The following CPLX2 variants were observed in gnomAD, a reference collection of about 807,000 sequenced individuals.
The protein encoded by CPLX2 is complexin 2, also known as complexin-2.
Under a neutral mutation model 16.3 loss-of-function variants are expected in CPLX2, and 5 were observed. That is an observed-to-expected ratio of 0.31 (90% confidence interval 0.16 to 0.64). The LOEUF is 0.64. Ranked by LOEUF, CPLX2 falls within the 30% of genes least tolerant of loss-of-function variation. CPLX2 has a pLI of 0.79. For synonymous variants in CPLX2, 89 were observed against 73.2 expected, an observed-to-expected ratio of 1.22 and a Z score of -1.10; for missense variants, 144 against 181.4, an observed-to-expected ratio of 0.79 and a Z score of 1.18.
rs938350048 is a variant in CPLX2 at position 175,810,405 on chromosome 5, G to A, written c.-89+1337G>A. Among the ~76,000 whole-genome samples, 11 of 152,310 alleles carry A rather than the reference G, an allele frequency of 7.2e-5. No individual in the cohort carries two copies. In the South Asian group the frequency reaches 1.0e-3, roughly 14 times the overall value. On this transcript the variant is annotated intron_variant, in intron 2 of 4. Transcript: ENST00000359546. ...TTCAGGTTTTGTCTCCAATGTCTTG[G>A]CATTTCCTCTCACTGAGGAGCTTCT...
intron 2 of CPLX2, among the ~76,000 whole-genome samples, chr5:175,831,375 G>C (rs971834071): frequency 6.6e-6 from 1 of 152,148 alleles, no homozygotes; most frequent in African/African-American, 2.4e-5. Flanking sequence ...CTGGAACCCA[G>C]ATTTGCTTCC....
chr5:175,877,307 C>T (rs1755409315), intron 1 of CPLX2, among the ~76,000 whole-genome samples: 1 of 151,230 alleles, frequency 6.6e-6, no homozygotes, highest in Non-Finnish European at 1.5e-5. Context: ...CGTAGATAAG[C>T]TCTTGGGCCC....
At chr5:175,851,163 C>T (rs896416990) in intron 2 of CPLX2, among the ~76,000 whole-genome samples, 2 of 152,058 alleles carry the variant, frequency 1.3e-5, no homozygotes, top group Admixed American at 6.6e-5. Context: ...AGACAAAGCC[C>T]ACTTTCTTGT....
intron 1 of CPLX2, among the ~76,000 whole-genome samples, chr5:175,801,644 CAA>C (rs1348887612): frequency 6.6e-6 from 1 of 152,098 alleles, no homozygotes; most frequent in East Asian, 1.9e-4. Context: ...GATGAGAGTC[CAA>C]AGACTTATTT....
At chr5:175,805,454 G>A (rs942504465) in intron 1 of CPLX2, 2 of 152,212 alleles carry the variant, frequency 1.3e-5, no homozygotes, top group Non-Finnish European at 2.9e-5. Context: ...AAGGGAAAAC[G>A]GACACCTGTG....
At chr5:175,827,154 G>A (rs1758631302) in intron 2 of CPLX2, among the ~76,000 whole-genome samples, 1 of 152,272 alleles carries the variant, frequency 6.6e-6, no homozygotes, top group East Asian at 1.9e-4. Flanking sequence ...TGGGTCACAT[G>A]CCCTTCCCTG....
rs1227197593 is a variant in CPLX2, at chr5:175,802,965, G to A, written c.-168-6024G>A. On this transcript the variant is annotated intron_variant, in intron 1 of 4. Transcript: ENST00000359546. The stretch of plus-strand genomic sequence containing the variant: ...TCCTGCCTCAGCCTCCAGAGTAGCT[G>A]GGATTACAGGCACCCGCCATCACAC... 2.6e-5 allele frequency among the ~76,000 whole-genome samples: 4 copies of A among 152,022 alleles called. No homozygotes were observed. In the East Asian group the frequency reaches 5.8e-4, roughly 22 times the overall value.
intron 2 of CPLX2, among the ~76,000 whole-genome samples, chr5:175,832,921 G>A (rs1007363391): frequency 2.6e-5 from 4 of 152,134 alleles, no homozygotes; most frequent in African/African-American, 9.7e-5. Context: ...TCGGGAGGCC[G>A]AGGTGGGCAG....
chr5:175,826,582 G>A (rs924664493), intron 2 of CPLX2, among the ~76,000 whole-genome samples: 7 of 152,162 alleles, frequency 4.6e-5, no homozygotes, highest in Non-Finnish European at 8.8e-5. Flanking sequence ...TGTTTGTGGC[G>A]GGTGAATGGG....
At chr5:175,850,364 C>T (rs764102326) in intron 2 of CPLX2, among the ~76,000 whole-genome samples, 4 of 152,010 alleles carry the variant, frequency 2.6e-5, no homozygotes, top group African/African-American at 4.8e-5. Flanking sequence ...GATGAGTGGG[C>T]GGGAGACAGA....
intron 1 of CPLX2, among the ~76,000 whole-genome samples, chr5:175,807,171 G>A (rs563640024): frequency 2.6e-5 from 4 of 152,318 alleles, no homozygotes; most frequent in East Asian, 1.9e-4. Context: ...AAGGAATGAC[G>A]CTCCATTCTA....
intron 2 of CPLX2, among the ~76,000 whole-genome samples, chr5:175,832,567 G>T (rs1758754767): frequency 6.6e-6 from 1 of 152,168 alleles, no homozygotes. Flanking sequence ...ATGTTCTTTT[G>T]TAAATGCCAG....
Position 175,810,455 on chromosome 5 carries a change from A to C in CPLX2, c.-89+1387A>C, listed in dbSNP as rs576587380. Reference sequence around the variant, plus strand: ...TCATCTTCCAAAATTTGGAGATGTCACTGAGCACTTGCACCTTTGGGCTCT... The same window carrying C: ...TCATCTTCCAAAATTTGGAGATGTCCCTGAGCACTTGCACCTTTGGGCTCT... On this transcript the variant is annotated intron_variant, in intron 2 of 4. Transcript: ENST00000359546. Among the ~76,000 whole-genome samples, 52 of 152,286 alleles carry C rather than the reference A, an allele frequency of 3.4e-4. 1 individual carries two copies. Among genetic ancestry groups the C allele is most frequent in the Non-Finnish European group, 5.9e-4 (40 of 68,030 alleles).
At chr5:175,879,705 C>A in intron 3 of CPLX2, 143 bp from the exon 4 acceptor site, 1 of 778,414 alleles carries the variant, frequency 1.3e-6, no homozygotes, top group Non-Finnish European at 2.3e-6. Flanking sequence ...AGGGAAGACA[C>A]CCTTATCCCC....
At chr5:175,878,827 G>A in intron 2 of CPLX2, 57 bp downstream of exon 2, 1 of 1,609,076 alleles carries the variant, frequency 6.2e-7, no homozygotes, top group Non-Finnish European at 8.5e-7. Context: ...GTGGGAGGTG[G>A]CCTCGGCCCA....
At chr5:175,801,853 C>T (rs1581064478) in intron 1 of CPLX2, among the ~76,000 whole-genome samples, 1 of 152,148 alleles carries the variant, frequency 6.6e-6, no homozygotes, top group East Asian at 1.9e-4. Flanking sequence ...CCAGAGATGC[C>T]CACCTTGCTC....
At chr5:175,815,190 C>T (rs981838346) in intron 2 of CPLX2, among the ~76,000 whole-genome samples, 10 of 152,222 alleles carry the variant, frequency 6.6e-5, no homozygotes, top group African/African-American at 2.4e-4. Flanking sequence ...CAGTGGTCTG[C>T]TGTACCTGAG....
chr5:175,820,452 G>C (rs1581074813), intron 2 of CPLX2, among the ~76,000 whole-genome samples: 1 of 152,322 alleles, frequency 6.6e-6, no homozygotes, highest in East Asian at 1.9e-4. Context: ...CTGCCTGAAA[G>C]CAGGTGTGGT....
chr5:175,855,726 A>G (rs1759241985), intron 2 of CPLX2, among the ~76,000 whole-genome samples: 1 of 152,142 alleles, frequency 6.6e-6, no homozygotes. Context: ...GAGCCCCAGG[A>G]TCGAGTCTCA....
Sources: allele counts gnomAD v4.1 joint callset (sites outside exome capture counted in the v4.1 genomes callset), GRCh38; gene constraint gnomAD v4.1.1; transcripts MANE v1.5; gene names NCBI Gene and HGNC (gene_info 2026-07-23, HGNC 2026-07-21).